The following LRP4 variants were observed in gnomAD, a reference collection of about 807,000 sequenced individuals.
LRP4 encodes the protein low-density lipoprotein receptor-related protein 4.
A neutral mutation model predicts 220.3 loss-of-function variants in LRP4; 95 were observed. The ratio of observed to expected loss-of-function variants is 0.43; its 90% CI spans 0.37 to 0.51. The LOEUF (loss-of-function observed/expected upper bound fraction) is 0.51, where lower values mean the gene tolerates loss of function less well. LRP4 is among the 20% of genes least tolerant of loss of function. The probability of loss-of-function intolerance (pLI) is 0.00; values close to 1 mark genes in which losing one functional copy is unlikely to be tolerated. For synonymous variants in LRP4, 903 were observed against 954.6 expected (o/e 0.95, Z 1.00); for missense variants, 1,925 against 2,567.0 (o/e 0.75, Z 5.40).
At chr11:46,904,113 C>A (rs1193111792) in intron 1 of LRP4, among the ~76,000 whole-genome samples, 1 of 152,188 alleles carries the variant, frequency 6.6e-6, no homozygotes, top group African/African-American at 2.4e-5. Flanking sequence ...CTGCTCTGCT[C>A]GCAGCTGGGG....
intron 20 of LRP4, 46 bp from the exon 21 acceptor site, chr11:46,879,361 T>A: frequency 6.2e-7 from 1 of 1,600,580 alleles, no homozygotes; most frequent in Non-Finnish European, 8.5e-7. Flanking sequence ...AGTCTGACAG[T>A]ACAGAGCAGT....
chr11:46,873,577 C>A lies in LRP4; in HGVS notation c.4246G>T (p.Gly1416Cys). The A allele has an allele frequency of 6.2e-7, 1 of 1,613,184 alleles. No individual in the cohort carries two copies. The highest frequency in any genetic ancestry group is 8.5e-7 in the Non-Finnish European group (1 of 1,179,224). ...LDVIRRADLN[G>C]SNMETVIGRG... ...CCGATCACTGTCTCCATGTTGCTGC[C>A]GTTCAGGTCTGCTCGCCTTGGGGAG... is the stretch of plus-strand genomic sequence containing the variant. The change falls in exon 29 of 38, where the codon GGC (glycine) becomes TGC (cysteine). Residue 1416 changes from glycine (G) to cysteine (C), a missense_variant. Coordinates refer to ENST00000378623, the MANE Select transcript of LRP4 (RefSeq NM_002334.4). This position sits in a 1 kb window ranked among gnomAD's most constrained non-coding sequence, Gnocchi z 4.2.
intron 19 of LRP4, 107 bp from the exon 20 acceptor site, chr11:46,882,010 C>T: frequency 9.8e-7 from 1 of 1,020,986 alleles, no homozygotes; most frequent in Non-Finnish European, 1.5e-6. Flanking sequence ...TCCTCATCAG[C>T]CTCAGCCTCC....
At chr11:46,913,786 T>G (rs1165653333) in intron 1 of LRP4, among the ~76,000 whole-genome samples, 2 of 152,116 alleles carry the variant, frequency 1.3e-5, no homozygotes, top group Admixed American at 1.3e-4. Flanking sequence ...CAGACCTCTC[T>G]CAAGAGAACT....
intron 3 of LRP4, 127 bp from the exon 4 acceptor site, chr11:46,900,103 G>T: frequency 1.0e-6 from 1 of 968,080 alleles, no homozygotes; most frequent in Non-Finnish European, 1.7e-6. Context: ...GGAGGTGGCT[G>T]CCTCTCAGCA....
chr11:46,908,478 T>TA (rs751510571), intron 1 of LRP4, among the ~76,000 whole-genome samples: 98 of 152,332 alleles, frequency 6.4e-4, no homozygotes, highest in Non-Finnish European at 1.2e-3. Context: ...AGTCTGTAGA[T>TA]AGATTGCACA....
chr11:46,873,997 G>T lies in LRP4; in HGVS notation c.4230-404C>A. The T allele has an allele frequency of 4.7e-6, 1 of 212,262 alleles. No homozygotes were observed. Among genetic ancestry groups the T allele is most frequent in the Non-Finnish European group, 9.5e-6 (1 of 105,234 alleles). The allele number at this position is 212,262 out of a possible 1,614,324, so 13.1% of individuals were successfully genotyped here. The stretch of plus-strand genomic sequence containing the variant: ...CAATTTTAAATACAAGTAGATATGA[G>T]GTTTCATTATGTTGCCTAGGCTGGT... On this transcript the variant is annotated intron_variant, in intron 28 of 37. Transcript: ENST00000378623. This position sits in a 1 kb window ranked among gnomAD's most constrained non-coding sequence, Gnocchi z 4.2.
In LRP4 at chr11:46,898,930, C is replaced by T; in HGVS notation, c.650G>A (p.Gly217Glu). The change falls in exon 6 of 38, where the codon GGA becomes GAA. Residue 217 changes from glycine to glutamate, a missense_variant. Gly to Glu is a moderately conservative substitution (Grantham distance 98). Around this residue, in one of 3 missense-constraint regions of LRP4, gnomAD observed 412 missense variants for 505.4 expected, o/e 0.82. Coordinates refer to ENST00000378623, the MANE Select transcript of LRP4 (RefSeq NM_002334.4). ...GCAGTCAGACTCGTCTGACCAGTCT[C>T]CACAGTCATCGTCGCCATCGCAGTG... Reference protein sequence around the residue: ...IYHCDGDDDCGDWSDESDCSS... With the variant: ...IYHCDGDDDCEDWSDESDCSS... The T allele has an allele frequency of 6.2e-7, 1 of 1,613,896 alleles. No homozygotes were observed. The highest frequency in any genetic ancestry group is 8.5e-7 in the Non-Finnish European group (1 of 1,180,018).
chr11:46,867,341 A>G (rs989099138), intron 34 of LRP4, among the ~76,000 whole-genome samples: 1 of 152,228 alleles, frequency 6.6e-6, no homozygotes, highest in South Asian at 2.1e-4. Flanking sequence ...GGACAAGCCA[A>G]TATGCCAAAC....
intron 1 of LRP4, among the ~76,000 whole-genome samples, chr11:46,907,227 C>T (rs1000987004): frequency 6.6e-6 from 1 of 152,246 alleles, no homozygotes; most frequent in Non-Finnish European, 1.5e-5. Context: ...CTCCCTTAGC[C>T]TCCAGGGGCC....
Position 46,918,237 on chromosome 11 carries a change from TCAGGCCCCGGCCCGCGCCGTC to T in LRP4, c.52+70_52+90del, listed in dbSNP as rs1024157226. On this transcript the variant is annotated intron_variant, in intron 1 of 37. Transcript: ENST00000378623. The surrounding 1 kb of genome is among the most constrained non-coding windows in gnomAD (Gnocchi z 6.0). ...CGGCTAGGAGCGAGGGCGAGGGGTCTCAGGCCCCGGCCCGCGCCGTCCAGGTCCCGGGAGGCGAGTCCTGCA... is the reference window on the plus strand; with the variant it reads ...CGGCTAGGAGCGAGGGCGAGGGGTCTCAGGTCCCGGGAGGCGAGTCCTGCA... 2.9e-6 allele frequency: 4 copies of T among 1,373,780 alleles called. No individual in the cohort carries two copies. The highest frequency in any genetic ancestry group is 2.9e-6 in the Non-Finnish European group (3 of 1,017,218). 85.1% of individuals were successfully genotyped at this position (1,373,780 alleles called of 1,614,324 possible).
intron 34 of LRP4, among the ~76,000 whole-genome samples, chr11:46,865,593 GT>G (rs1940675040): frequency 6.6e-6 from 1 of 152,140 alleles, no homozygotes. Context: ...GTCAAAAAAT[GT>G]TTTTCTTCTC....
At chr11:46,868,504 A>G (rs1940762790) in intron 33 of LRP4, 96 bp downstream of exon 33, 1 of 919,190 alleles carries the variant, frequency 1.1e-6, no homozygotes, top group Non-Finnish European at 1.8e-6. Context: ...TGGGGATCCC[A>G]CCCAGAAGGA....
intron 31 of LRP4, among the ~76,000 whole-genome samples, chr11:46,870,749 G>A (rs1940841969): frequency 6.6e-6 from 1 of 152,184 alleles, no homozygotes; most frequent in Admixed American, 6.5e-5. Context: ...GAGAATTCCT[G>A]TTGGCCTCAG....
At chr11:46,868,560 G>C (rs1940764900) in intron 33 of LRP4, 40 bp downstream of exon 33, 1 of 1,434,078 alleles carries the variant, frequency 7.0e-7, no homozygotes, top group African/African-American at 1.4e-5. Flanking sequence ...GCCCTTCCAG[G>C]GGCTCTGCCG....
chr11:46,883,158 A>G (rs1405392836), intron 19 of LRP4, among the ~76,000 whole-genome samples: 1 of 152,250 alleles, frequency 6.6e-6, no homozygotes, highest in African/African-American at 2.4e-5. Flanking sequence ...AAAAAAAGAT[A>G]AGGAAAGAAA....
At chr11:46,882,338 A>G (rs1421765671) in intron 19 of LRP4, among the ~76,000 whole-genome samples, 1 of 151,820 alleles carries the variant, frequency 6.6e-6, no homozygotes, top group Non-Finnish European at 1.5e-5. Flanking sequence ...AGGGCCAGAT[A>G]TGGTGGTGCA....
At chr11:46,865,829 A>T (rs1940680540) in intron 34 of LRP4, among the ~76,000 whole-genome samples, 1 of 152,238 alleles carries the variant, frequency 6.6e-6, no homozygotes. Context: ...CGGGGTCAAA[A>T]GTTTTCTAAA....
chr11:46,883,596 G>A (rs1414207759), intron 19 of LRP4, among the ~76,000 whole-genome samples: 1 of 152,164 alleles, frequency 6.6e-6, no homozygotes, highest in Non-Finnish European at 1.5e-5. Flanking sequence ...AATCTCTGTT[G>A]GGGGCTCTCA....
Sources: allele counts gnomAD v4.1 joint callset (sites outside exome capture counted in the v4.1 genomes callset), GRCh38; gene constraint gnomAD v4.1.1; regional missense constraint gnomAD v4.1.1; non-coding constraint Gnocchi (gnomAD v3.1); transcripts MANE v1.5; gene names NCBI Gene and HGNC (gene_info 2026-07-23, HGNC 2026-07-21).